Variants in ZNF362 observed in about 807,000 individuals in gnomAD.
The protein encoded by ZNF362 is zinc finger protein 362.
Under a neutral mutation model 42.9 loss-of-function variants are expected in ZNF362, and 11 were observed. The ratio of observed to expected loss-of-function variants is 0.26; its 90% CI spans 0.16 to 0.42. The LOEUF (loss-of-function observed/expected upper bound fraction) is 0.42, where lower values mean the gene tolerates loss of function less well. Among genes scored for constraint, ZNF362 ranks in the 20% least tolerant of loss-of-function variants. The pLI is 1.00. For synonymous variants in ZNF362, 255 were observed against 257.3 expected (o/e 0.99, Z 0.09); for missense variants, 362 against 576.2 (o/e 0.63, Z 3.81).
the ZNF362 span, among the ~76,000 whole-genome samples, chr1:33,196,801 C>T: frequency 6.6e-6 from 1 of 152,136 alleles, no homozygotes; most frequent in Non-Finnish European, 1.5e-5. Flanking sequence ...AGCATCACTA[C>T]AAACATGTGA....
At chr1:33,254,854 A>G (rs61799541), upstream of ZNF362, among the ~76,000 whole-genome samples, 3 of 152,018 alleles carry the variant, frequency 2.0e-5, no homozygotes, top group East Asian at 3.9e-4. Context: ...TGCACAGACA[A>G]TTTGTCTCTT....
chr1:33,238,371 TAA>T, the ZNF362 span, among the ~76,000 whole-genome samples: 1 of 108,742 alleles, frequency 9.2e-6, no homozygotes, highest in Non-Finnish European at 2.0e-5. Flanking sequence ...AATAATAAAA[TAA>T]AATAAAATAA....
At chr1:33,271,104 C>CT (rs1207219594) in intron 2 of ZNF362, among the ~76,000 whole-genome samples, 5 of 152,170 alleles carry the variant, frequency 3.3e-5, no homozygotes, top group Non-Finnish European at 7.3e-5. Context: ...CTACATTGGG[C>CT]ACTCAGAGGG....
chr1:33,184,579 A>C, the ZNF362 span, among the ~76,000 whole-genome samples: 1 of 152,212 alleles, frequency 6.6e-6, no homozygotes, highest in East Asian at 1.9e-4. Context: ...TAGATGTACC[A>C]GGGACACAGC....
chr1:33,247,174 A>C, the ZNF362 span, among the ~76,000 whole-genome samples: 1 of 152,222 alleles, frequency 6.6e-6, no homozygotes, highest in Non-Finnish European at 1.5e-5. Flanking sequence ...TTGCTGGTCT[A>C]TGGTGGATTT....
chr1:33,293,379 A>G (rs533843941), intron 6 of ZNF362, among the ~76,000 whole-genome samples: 2 of 151,088 alleles, frequency 1.3e-5, no homozygotes, highest in Non-Finnish European at 2.9e-5. Context: ...GGCTTGAATG[A>G]CATATAAGGA....
the ZNF362 span, among the ~76,000 whole-genome samples, chr1:33,166,887 G>T: frequency 6.6e-6 from 1 of 152,242 alleles, no homozygotes; most frequent in East Asian, 1.9e-4. Flanking sequence ...TTTGTTCATC[G>T]TGGGTTTTTT....
chr1:33,166,763 T>A, the ZNF362 span, among the ~76,000 whole-genome samples: 1 of 152,250 alleles, frequency 6.6e-6, no homozygotes, highest in South Asian at 2.1e-4. Flanking sequence ...ACACAAGATA[T>A]CAAAATTTTA....
the ZNF362 span, among the ~76,000 whole-genome samples, chr1:33,138,364 C>T: frequency 2.0e-5 from 3 of 152,028 alleles, no homozygotes; most frequent in East Asian, 1.9e-4. Flanking sequence ...AATAGACTCA[C>T]GTAGAAAAAA....
the ZNF362 span, among the ~76,000 whole-genome samples, chr1:33,207,812 A>G: frequency 1.3e-5 from 2 of 152,038 alleles, no homozygotes; most frequent in East Asian, 3.9e-4. Flanking sequence ...TTTCTTATAA[A>G]TTTGTTTAAG....
At chr1:33,274,699 G>A (rs1321712263) in intron 2 of ZNF362, among the ~76,000 whole-genome samples, 1 of 152,200 alleles carries the variant, frequency 6.6e-6, no homozygotes, top group East Asian at 1.9e-4. Context: ...ATGGGCATTT[G>A]CTCTTCCAAA....
the ZNF362 span, among the ~76,000 whole-genome samples, chr1:33,200,739 T>A: frequency 6.6e-6 from 1 of 152,138 alleles, no homozygotes; most frequent in Non-Finnish European, 1.5e-5. Flanking sequence ...CCTAAGCAAC[T>A]AATAAGGGAG....
chr1:33,274,855 A>G (rs1645930838), intron 2 of ZNF362: 2 of 768,444 alleles, frequency 2.6e-6, no homozygotes, highest in South Asian at 5.9e-5. Flanking sequence ...CACTGATAAA[A>G]TGGTATAATA....
At chr1:33,189,753 A>G in the ZNF362 span, among the ~76,000 whole-genome samples, 1 of 145,128 alleles carries the variant, frequency 6.9e-6, no homozygotes, top group Non-Finnish European at 1.5e-5. Context: ...ATATACACAT[A>G]CTGTTGTCAC....
At chr1:33,193,004 C>CATATATATATAT in the ZNF362 span, among the ~76,000 whole-genome samples, 2 of 137,198 alleles carry the variant, frequency 1.5e-5, no homozygotes, top group African/African-American at 5.2e-5. Flanking sequence ...CACACACACA[C>CATATATATATAT]ATATATATAT....
At chr1:33,220,026 C>T in the ZNF362 span, among the ~76,000 whole-genome samples, 1 of 152,172 alleles carries the variant, frequency 6.6e-6, no homozygotes, top group East Asian at 1.9e-4. Context: ...AAATGGGTTT[C>T]TGATGGGCAT....
the ZNF362 span, among the ~76,000 whole-genome samples, chr1:33,148,339 A>T: frequency 6.6e-6 from 1 of 152,024 alleles, no homozygotes; most frequent in Non-Finnish European, 1.5e-5. Context: ...TAAACATGAA[A>T]TTTTTTTTGC....
chr1:33,295,379 G>T (rs1206628214), intron 8 of ZNF362, 74 bp downstream of exon 8: 4 of 1,541,416 alleles, frequency 2.6e-6, no homozygotes, highest in South Asian at 1.2e-5. Context: ...CTTCCCCATT[G>T]TCAGATCTGT....
chr1:33,207,048 C>G, the ZNF362 span, among the ~76,000 whole-genome samples: 1 of 152,024 alleles, frequency 6.6e-6, no homozygotes, highest in East Asian at 1.9e-4. Flanking sequence ...TTTGCTGCAC[C>G]CATCAACTCA....
Sources: gnomAD v4.1 joint callset for allele counts (sites outside exome capture counted in the v4.1 genomes callset) on GRCh38, gnomAD v4.1.1 for gene constraint, MANE v1.5 for transcripts, NCBI Gene and HGNC (gene_info 2026-07-23, HGNC 2026-07-21) for gene names.